GALNT7: variants seen among roughly 807,000 people sequenced by gnomAD.
GALNT7 encodes the protein polypeptide N-acetylgalactosaminyltransferase 7.
GALNT7 carries 60 observed loss-of-function variants against 82.1 expected under a neutral mutation model. The observed-to-expected ratio is 0.73, with a 90% CI of 0.59 to 0.91. GALNT7 has a LOEUF of 0.91. Among genes scored for constraint, GALNT7 ranks in the 40% least tolerant of loss-of-function variants. GALNT7 has a pLI of 0.00. For synonymous variants in GALNT7, 243 were observed against 275.1 expected, an observed-to-expected ratio of 0.88 and a Z score of 1.15; for missense variants, 660 against 804.2, an observed-to-expected ratio of 0.82 and a Z score of 2.17.
Position 173,314,023 on chromosome 4 carries a change from T to C in GALNT7, c.1455T>C (p.Pro485=), listed in dbSNP as rs200041195. The C allele has an allele frequency of 8.5e-5, 137 of 1,610,626 alleles. No homozygotes were observed. The highest frequency in any genetic ancestry group is 1.1e-4 in the Non-Finnish European group (132 of 1,177,016). Residue 485 remains proline (P), a synonymous_variant, in exon 9 of 12, where the codon CCT becomes CCC. Transcript: ENST00000265000. The stretch of plus-strand genomic sequence containing the variant: ...AAGACTACTTCTATGCTAGTCGTCC[T>C]GAATCGCAGGCATTACCATATGGGG... ...EYKDYFYASR[P]ESQALPYGDI... is the part of the protein sequence containing the mutation.
At chr4:173,186,895 G>A (rs1732477153) in intron 1 of GALNT7, among the ~76,000 whole-genome samples, 1 of 151,806 alleles carries the variant, frequency 6.6e-6, no homozygotes, top group South Asian at 2.1e-4. Flanking sequence ...CTCACGAGTA[G>A]CTGGCATTAC....
At chr4:173,276,105 A>G (rs577531103) in intron 2 of GALNT7, among the ~76,000 whole-genome samples, 1 of 152,270 alleles carries the variant, frequency 6.6e-6, no homozygotes, top group Admixed American at 6.5e-5. Flanking sequence ...ACAAGTAAAC[A>G]TTTTTTATTC....
At position 173,317,631 on chromosome 4, in the gene GALNT7, T is replaced by G; in HGVS notation, c.1609-3T>G. On this transcript the variant is annotated splice_region_variant and splice_polypyrimidine_tract_variant and intron_variant, in intron 9 of 11. Transcript: ENST00000265000. Reference sequence around the variant, plus strand: ...CTTTTTGCGTCTTTATTCATTTTTTTAGATCAGAGGCTTCGAAACTGCTTA... The same window carrying G: ...CTTTTTGCGTCTTTATTCATTTTTTGAGATCAGAGGCTTCGAAACTGCTTA... The G allele has an allele frequency of 6.3e-7, 1 of 1,592,860 alleles. No homozygotes were observed. Among genetic ancestry groups the G allele is most frequent in the Non-Finnish European group, 8.6e-7 (1 of 1,161,150 alleles).
chr4:173,249,269 T>A (rs895947250), intron 2 of GALNT7, among the ~76,000 whole-genome samples: 2 of 152,184 alleles, frequency 1.3e-5, no homozygotes. Context: ...TTTTAAAAGG[T>A]TAATACAGCA....
At chr4:173,238,852 T>C (rs1734317031) in intron 1 of GALNT7, among the ~76,000 whole-genome samples, 1 of 152,226 alleles carries the variant, frequency 6.6e-6, no homozygotes, top group Admixed American at 6.5e-5. Context: ...ATTAGTTGTC[T>C]ATGATAACTT....
intron 1 of GALNT7, among the ~76,000 whole-genome samples, chr4:173,222,991 G>T (rs571055123): frequency 6.6e-6 from 1 of 152,166 alleles, no homozygotes; most frequent in African/African-American, 2.4e-5. Flanking sequence ...CCAATAATAG[G>T]ATAATTTTTT....
chr4:173,234,130 C>A (rs1734132179), intron 1 of GALNT7, among the ~76,000 whole-genome samples: 1 of 152,156 alleles, frequency 6.6e-6, no homozygotes, highest in Non-Finnish European at 1.5e-5. Flanking sequence ...GTGTCTTGAA[C>A]ACACTGTTTT....
intron 2 of GALNT7, among the ~76,000 whole-genome samples, chr4:173,258,319 C>T (rs1338329062): frequency 6.6e-6 from 1 of 152,144 alleles, no homozygotes; most frequent in Non-Finnish European, 1.5e-5. Flanking sequence ...TAACAGTGTG[C>T]TAAGGGTGTG....
intron 1 of GALNT7, among the ~76,000 whole-genome samples, chr4:173,243,652 G>A (rs1734510448): frequency 6.6e-6 from 1 of 152,110 alleles, no homozygotes; most frequent in Non-Finnish European, 1.5e-5. Flanking sequence ...GTTGACTTGG[G>A]GTTAGACAGA....
chr4:173,289,072 C>T (rs1350144846), intron 2 of GALNT7, among the ~76,000 whole-genome samples: 4 of 152,102 alleles, frequency 2.6e-5, no homozygotes, highest in African/African-American at 7.2e-5. Context: ...AGCACCCTGA[C>T]GGCTGTCGGG....
intron 2 of GALNT7, among the ~76,000 whole-genome samples, chr4:173,280,574 A>G (rs1228084786): frequency 3.9e-5 from 6 of 152,208 alleles, no homozygotes; most frequent in African/African-American, 1.4e-4. Flanking sequence ...TCTGAATGTG[A>G]GTATATGTGA....
At chr4:173,243,689 C>T (rs568248780) in intron 1 of GALNT7, among the ~76,000 whole-genome samples, 3 of 152,196 alleles carry the variant, frequency 2.0e-5, no homozygotes, top group South Asian at 2.1e-4. Flanking sequence ...TTTTGCCTTC[C>T]GATTTAATGA....
rs1370365066 is a variant in GALNT7 at position 173,264,952 on chromosome 4, C to T, written c.587+16512C>T. On this transcript the variant is annotated intron_variant, in intron 2 of 11. Coordinates refer to ENST00000265000, the MANE Select transcript of GALNT7 (RefSeq NM_017423.3). ...TTTTGGAAAATAATGATAGATGTGG[C>T]ATCTATTTACTTGGCTACCTAGTAT... Among the ~76,000 whole-genome samples, 3 of 152,216 alleles carry T rather than the reference C, an allele frequency of 2.0e-5. No individual in the cohort carries two copies. The East Asian group carries it at 5.8e-4, about 29-fold the overall frequency.
At chr4:173,199,139 T>C (rs1034504442) in intron 1 of GALNT7, among the ~76,000 whole-genome samples, 1 of 152,242 alleles carries the variant, frequency 6.6e-6, no homozygotes, top group Non-Finnish European at 1.5e-5. Flanking sequence ...TCGAGCATTA[T>C]GTGCTAGATA....
intron 1 of GALNT7, among the ~76,000 whole-genome samples, chr4:173,191,973 A>T (rs1732642238): frequency 6.6e-6 from 1 of 152,200 alleles, no homozygotes; most frequent in South Asian, 2.1e-4. Flanking sequence ...GGTGAATGTG[A>T]AGACACTAAC....
At chr4:173,214,802 ATT>A (rs11330284) in intron 1 of GALNT7, among the ~76,000 whole-genome samples, 5,008 of 147,064 alleles carry the variant, frequency 0.034, 215 homozygotes, top group African/African-American at 0.1. Context: ...TATGACTTGG[ATT>A]TTTTTTTTTT....
intron 1 of GALNT7, among the ~76,000 whole-genome samples, chr4:173,209,708 G>T (rs908803954): frequency 2.0e-5 from 3 of 150,822 alleles, no homozygotes; most frequent in Non-Finnish European, 4.4e-5. Context: ...AGGCCATTTC[G>T]TCAGGCTCCC....
At chr4:173,261,801 A>T (rs987649918) in intron 2 of GALNT7, among the ~76,000 whole-genome samples, 2 of 152,220 alleles carry the variant, frequency 1.3e-5, no homozygotes, top group African/African-American at 2.4e-5. Context: ...CCTGGGGGAC[A>T]GAGCCAGACT....
intron 2 of GALNT7, among the ~76,000 whole-genome samples, chr4:173,289,716 C>T (rs1233414693): frequency 6.6e-6 from 1 of 152,120 alleles, no homozygotes; most frequent in African/African-American, 2.4e-5. Flanking sequence ...GGGGAGGAAA[C>T]TTTTTCCTGA....
Sources: gnomAD v4.1 joint callset for allele counts (sites outside exome capture counted in the v4.1 genomes callset) on GRCh38, gnomAD v4.1.1 for gene constraint, MANE v1.5 for transcripts, NCBI Gene and HGNC (gene_info 2026-07-23, HGNC 2026-07-21) for gene names.